The following NEDD4 variants were observed in gnomAD, a reference collection of about 807,000 sequenced individuals.
NEDD4 encodes the protein NEDD4 E3 ubiquitin protein ligase, also known as E3 ubiquitin-protein ligase NEDD4.
Under a neutral mutation model 144.9 loss-of-function variants are expected in NEDD4, and 99 were observed. That is an observed-to-expected ratio of 0.68 (90% CI 0.58 to 0.81). The LOEUF (loss-of-function observed/expected upper bound fraction) is 0.81, where lower values mean the gene tolerates loss of function less well. NEDD4 is among the 30% of genes least tolerant of loss of function. The pLI, the probability that NEDD4 is intolerant of heterozygous loss-of-function variation, is 0.00. For synonymous variants in NEDD4, 318 were observed against 350.6 expected (o/e 0.91, Z 1.04); for missense variants, 985 against 1,065.9 (o/e 0.92, Z 1.06).
intron 11 of NEDD4, among the ~76,000 whole-genome samples, chr15:55,857,846 G>T (rs539869649): frequency 2.0e-5 from 3 of 152,204 alleles, no homozygotes; most frequent in African/African-American, 7.2e-5. Context: ...AGGCTGAGGT[G>T]GGAGAATCCC....
intron 28 of NEDD4, 152 bp downstream of exon 28, chr15:55,830,362 C>T: frequency 4.2e-6 from 3 of 712,354 alleles, no homozygotes; most frequent in Non-Finnish European, 7.3e-6. Flanking sequence ...TAACAAAACA[C>T]CTGTTCGTTG....
At chr15:55,848,630 T>C (rs1205051952) in intron 15 of NEDD4, 55 bp from the exon 16 acceptor site, 5 of 1,463,884 alleles carry the variant, frequency 3.4e-6, no homozygotes, top group Non-Finnish European at 4.8e-6. Context: ...GATGAATGGA[T>C]AGAAAAATAG....
chr15:55,852,197 G>A (rs2034007937), intron 13 of NEDD4, among the ~76,000 whole-genome samples: 1 of 151,928 alleles, frequency 6.6e-6, no homozygotes, highest in African/African-American at 2.4e-5. Flanking sequence ...TCAGGAGGGT[G>A]AGGCAGGAGA....
chr15:55,988,462 C>T (rs752415511), intron 1 of NEDD4, among the ~76,000 whole-genome samples: 36 of 85,884 alleles, frequency 4.2e-4, no homozygotes, highest in Non-Finnish European at 4.0e-4. Flanking sequence ...TACACTAAAA[C>T]TTAGAGTATA....
Position 55,951,562 on chromosome 15 carries a change from A to T in NEDD4, c.147T>A (p.Tyr49Ter). 6.5e-7 allele frequency: 1 copy of T among 1,526,988 alleles called. No individual in the cohort carries two copies. The highest frequency in any genetic ancestry group is 8.8e-7 in the Non-Finnish European group (1 of 1,138,504). The allele number at this position is 1,526,988 out of a possible 1,614,324, so 94.6% of individuals were successfully genotyped here. Residue 49 changes from tyrosine to a stop codon, truncating the protein, a stop_gained, in exon 3 of 29, where the codon TAT becomes TAA. Transcript: ENST00000435532. LOFTEE classifies it high-confidence loss of function. ...TTGTAAGAACTCCATTCATTGGGTC[A>T]TATAACGTCACTCTCACGTAAGGAT... ...ASDPYVRVTL[Y>*]DPMNGVLTSV...
At chr15:55,842,228 AT>A in intron 18 of NEDD4, 65 bp from the exon 19 acceptor site, 1 of 1,343,582 alleles carries the variant, frequency 7.4e-7, no homozygotes, top group Non-Finnish European at 1.1e-6. Flanking sequence ...CCCATCTCTC[AT>A]AAAGTTATAA....
intron 2 of NEDD4, among the ~76,000 whole-genome samples, chr15:55,963,565 A>C (rs985169653): frequency 2.0e-5 from 3 of 152,134 alleles, no homozygotes; most frequent in Non-Finnish European, 4.4e-5. Context: ...TCCATCCTTT[A>C]TGTTATAGTT....
At chr15:55,965,674 G>A (rs1490878943) in intron 2 of NEDD4, among the ~76,000 whole-genome samples, 3 of 151,864 alleles carry the variant, frequency 2.0e-5, no homozygotes, top group Non-Finnish European at 4.4e-5. Flanking sequence ...ATGTATGTAT[G>A]TATGTATGTA....
chr15:55,912,148 A>G (rs2036296185), intron 5 of NEDD4, among the ~76,000 whole-genome samples: 3 of 152,200 alleles, frequency 2.0e-5, no homozygotes, highest in African/African-American at 7.2e-5. Context: ...AATATTTATA[A>G]ATTACATTGG....
intron 2 of NEDD4, among the ~76,000 whole-genome samples, chr15:55,953,678 G>C (rs2142306831): frequency 6.6e-6 from 1 of 152,068 alleles, no homozygotes; most frequent in Admixed American, 6.5e-5. Flanking sequence ...TTGACCTCAG[G>C]TGATCTGCCC....
Position 55,967,862 on chromosome 15 carries a change from A to T in NEDD4, c.46-1316T>A, listed in dbSNP as rs76764275. Among the ~76,000 whole-genome samples, 1,384 of 152,144 alleles carry T rather than the reference A, an allele frequency of 9.1e-3. 10 individuals carry two copies. The highest frequency in any genetic ancestry group is 0.029 in the African/African-American group (1,216 of 41,502). On this transcript the variant is annotated intron_variant, in intron 1 of 28. Coordinates refer to ENST00000435532, the MANE Select transcript of NEDD4 (RefSeq NM_006154.4). ...ATAACAAGACCCCATCCCTCCAAAAAATAAGCCAGGCATGATAACTTGTGT... is the reference window on the plus strand; with the variant it reads ...ATAACAAGACCCCATCCCTCCAAAATATAAGCCAGGCATGATAACTTGTGT...
intron 5 of NEDD4, among the ~76,000 whole-genome samples, chr15:55,923,659 A>AAAATAT (rs546642962): frequency 7.1e-4 from 96 of 135,280 alleles, no homozygotes; most frequent in Middle Eastern, 3.7e-3. Flanking sequence ...AAAAAAAAAA[A>AAAATAT]ATATATATAT....
intron 17 of NEDD4, 79 bp downstream of exon 17, chr15:55,848,293 G>T: frequency 7.4e-7 from 1 of 1,357,706 alleles, no homozygotes; most frequent in Non-Finnish European, 1.1e-6. Context: ...TGCCTGTAGG[G>T]TTATGCCCGT....
At chr15:55,971,377 C>T (rs113832270) in intron 1 of NEDD4, among the ~76,000 whole-genome samples, 22,568 of 152,058 alleles carry the variant, frequency 0.15, 1,814 homozygotes, top group East Asian at 0.32. Context: ...GTAATCCCAG[C>T]ACTTTGGGAG....
intron 5 of NEDD4, among the ~76,000 whole-genome samples, chr15:55,918,987 C>T (rs2036519482): frequency 6.6e-6 from 1 of 152,014 alleles, no homozygotes; most frequent in African/African-American, 2.4e-5. Flanking sequence ...TGTCTGTGGC[C>T]TAAAACTTCC....
intron 1 of NEDD4, among the ~76,000 whole-genome samples, chr15:55,970,470 C>T (rs1482383280): frequency 1.3e-5 from 2 of 152,328 alleles, no homozygotes; most frequent in East Asian, 1.9e-4. Context: ...AAATCCAGTA[C>T]TGTGTTGGCT....
chr15:55,906,179 T>TG (rs2036086468), intron 5 of NEDD4, among the ~76,000 whole-genome samples: 1 of 152,210 alleles, frequency 6.6e-6, no homozygotes, highest in Non-Finnish European at 1.5e-5. Flanking sequence ...TTTACACTGT[T>TG]GGTGGGACTC....
chr15:55,979,022 C>T (rs1443098345), intron 1 of NEDD4, among the ~76,000 whole-genome samples: 1 of 151,332 alleles, frequency 6.6e-6, no homozygotes, highest in African/African-American at 2.4e-5. Context: ...CTTCATCCTT[C>T]TCCCATTCCT....
At chr15:55,939,674 T>G (rs1292917916) in intron 4 of NEDD4, among the ~76,000 whole-genome samples, 1 of 152,172 alleles carries the variant, frequency 6.6e-6, no homozygotes, top group African/African-American at 2.4e-5. Flanking sequence ...ATTACAAAAA[T>G]TTTTAGATTT....
Sources: allele counts gnomAD v4.1 joint callset (sites outside exome capture counted in the v4.1 genomes callset), GRCh38; gene constraint gnomAD v4.1.1; transcripts MANE v1.5; gene names NCBI Gene and HGNC (gene_info 2026-07-23, HGNC 2026-07-21).